PCDH15: variants seen among roughly 807,000 people sequenced by gnomAD.
PCDH15 encodes protocadherin-15.
In PCDH15, 129 loss-of-function variants were observed where a neutral mutation model predicts 178.5. The ratio of observed to expected loss-of-function variants is 0.72; its 90% CI spans 0.63 to 0.84. The LOEUF is 0.84. PCDH15 is among the 40% of genes least tolerant of loss of function. The pLI, the probability that PCDH15 is intolerant of heterozygous loss-of-function variation, is 0.00. For synonymous variants in PCDH15, 800 were observed against 732.0 expected, an observed-to-expected ratio of 1.09 and a Z score of -1.50; for missense variants, 2,230 against 2,099.9, an observed-to-expected ratio of 1.06 and a Z score of -1.21.
At chr10:55,476,398 C>A (rs377446095) in intron 2 of PCDH15, among the ~76,000 whole-genome samples, 1 of 151,976 alleles carries the variant, frequency 6.6e-6, no homozygotes, top group Non-Finnish European at 1.5e-5. Context: ...CATCATCATG[C>A]AGTGAGCTTC....
chr10:55,292,174 T>C (rs1843023823), intron 1 of PCDH15, among the ~76,000 whole-genome samples: 1 of 152,124 alleles, frequency 6.6e-6, no homozygotes, highest in South Asian at 2.1e-4. Context: ...CAAAGTCTCA[T>C]CTGAGACAAG....
intron 2 of PCDH15, among the ~76,000 whole-genome samples, chr10:54,570,645 G>T (rs575604937): frequency 1.3e-5 from 2 of 151,780 alleles, no homozygotes; most frequent in South Asian, 2.1e-4. Flanking sequence ...TGCTTCACTT[G>T]TGTCCATTTT....
intron 1 of PCDH15, among the ~76,000 whole-genome samples, chr10:54,790,370 A>AT (rs752176060): frequency 6.6e-6 from 1 of 151,448 alleles, no homozygotes; most frequent in African/African-American, 2.4e-5. Flanking sequence ...ATATGTAAAA[A>AT]ATATATATAT....
At chr10:54,982,149 G>T (rs2222872) in intron 2 of PCDH15, among the ~76,000 whole-genome samples, 60,177 of 151,778 alleles carry the variant, frequency 0.4, 13,482 homozygotes, top group East Asian at 0.55. Flanking sequence ...TAAATAAACA[G>T]CAATTATGCA....
chr10:53,981,529 T>C (rs2090638124), intron 21 of PCDH15, among the ~76,000 whole-genome samples: 1 of 151,952 alleles, frequency 6.6e-6, no homozygotes, highest in Non-Finnish European at 1.5e-5. Flanking sequence ...TCTACAACTA[T>C]CTGATCTTTG....
intron 3 of PCDH15, among the ~76,000 whole-genome samples, chr10:54,395,544 T>C (rs902987476): frequency 6.6e-6 from 1 of 152,034 alleles, no homozygotes. Flanking sequence ...CATAGTCATT[T>C]AGATATAATT....
At chr10:55,537,281 T>G (rs1841599736) in intron 2 of PCDH15, among the ~76,000 whole-genome samples, 1 of 152,182 alleles carries the variant, frequency 6.6e-6, no homozygotes, top group Admixed American at 6.6e-5. Context: ...AATAATTTTA[T>G]AGTTAATCAA....
intron 8 of PCDH15, among the ~76,000 whole-genome samples, chr10:54,241,175 A>G (rs2055247681): frequency 6.6e-6 from 1 of 152,162 alleles, no homozygotes; most frequent in Non-Finnish European, 1.5e-5. Flanking sequence ...AGTTCCAAAA[A>G]GGAGATTGAT....
At chr10:54,318,317 A>G (rs1304663231) in intron 7 of PCDH15, among the ~76,000 whole-genome samples, 1 of 152,136 alleles carries the variant, frequency 6.6e-6, no homozygotes, top group African/African-American at 2.4e-5. Context: ...TAGTAAACAC[A>G]TCTGGTCTGT....
At chr10:54,542,312 C>T (rs1007518419) in intron 2 of PCDH15, among the ~76,000 whole-genome samples, 4 of 152,256 alleles carry the variant, frequency 2.6e-5, no homozygotes, top group East Asian at 1.9e-4. Flanking sequence ...AAAAGTACTT[C>T]GTATCACTGG....
chr10:53,937,260 G>A (rs573745268), intron 25 of PCDH15, among the ~76,000 whole-genome samples: 1 of 152,318 alleles, frequency 6.6e-6, no homozygotes, highest in African/African-American at 2.4e-5. Flanking sequence ...GGTATCACTT[G>A]AGAAAGTTCT....
chr10:54,953,060 C>T (rs1838387060), intron 2 of PCDH15, among the ~76,000 whole-genome samples: 1 of 151,470 alleles, frequency 6.6e-6, no homozygotes. Context: ...ATATTCTTAC[C>T]TTGCTCTTCA....
chr10:53,967,308 T>A (rs925880002), intron 21 of PCDH15, among the ~76,000 whole-genome samples: 1 of 152,200 alleles, frequency 6.6e-6, no homozygotes, highest in African/African-American at 2.4e-5. Flanking sequence ...CCCATCCCTC[T>A]GGAACTGTGA....
intron 10 of PCDH15, among the ~76,000 whole-genome samples, chr10:54,205,229 G>A (rs976395215): frequency 1.3e-5 from 2 of 152,048 alleles, no homozygotes; most frequent in African/African-American, 4.8e-5. Flanking sequence ...AGGCTTATAG[G>A]TAGCTGTTAC....
intron 1 of PCDH15, among the ~76,000 whole-genome samples, chr10:54,742,436 G>A (rs1161445701): frequency 1.3e-5 from 2 of 152,018 alleles, no homozygotes; most frequent in Admixed American, 1.3e-4. Context: ...ACTGGTAAAT[G>A]TATCTACCTA....
At chr10:54,026,774 T>C (rs2093110657) in intron 18 of PCDH15, among the ~76,000 whole-genome samples, 1 of 152,166 alleles carries the variant, frequency 6.6e-6, no homozygotes, top group Non-Finnish European at 1.5e-5. Flanking sequence ...AAATTAGGTA[T>C]TGATGGGACT....
intron 2 of PCDH15, among the ~76,000 whole-genome samples, chr10:55,403,575 T>C (rs1838126289): frequency 6.6e-6 from 1 of 151,976 alleles, no homozygotes; most frequent in Non-Finnish European, 1.5e-5. Flanking sequence ...GCTTCCTTCT[T>C]TGTGCCCATT....
intron 14 of PCDH15, among the ~76,000 whole-genome samples, chr10:54,139,898 A>G (rs1426591789): frequency 6.6e-6 from 1 of 152,192 alleles, no homozygotes; most frequent in Admixed American, 6.6e-5. Context: ...ATGTTTGTCC[A>G]AAATTAAAAT....
chr10:55,337,690 T>C (rs1231469542), intron 2 of PCDH15, among the ~76,000 whole-genome samples: 2 of 152,198 alleles, frequency 1.3e-5, no homozygotes, highest in Admixed American at 6.5e-5. Flanking sequence ...TCTAATAATA[T>C]ATTAGAAAGC....
Sources: gnomAD v4.1 joint callset for allele counts (sites outside exome capture counted in the v4.1 genomes callset) on GRCh38, gnomAD v4.1.1 for gene constraint, MANE v1.5 for transcripts, NCBI Gene and HGNC (gene_info 2026-07-23, HGNC 2026-07-21) for gene names.